NPNT: variants seen among roughly 807,000 people sequenced by gnomAD.
The protein encoded by NPNT is preosteoblast EGF-like repeat protein with MAM domain.
In NPNT, 45 loss-of-function variants were observed where a neutral mutation model predicts 68.6. The observed-to-expected ratio is 0.66, with a 90% confidence interval of 0.52 to 0.84. NPNT has a LOEUF of 0.84. Among genes scored for constraint, NPNT ranks in the 40% least tolerant of loss-of-function variants. The pLI is 0.00. For synonymous variants in NPNT, 233 were observed against 253.3 expected, an observed-to-expected ratio of 0.92 and a Z score of 0.76; for missense variants, 672 against 714.8, an observed-to-expected ratio of 0.94 and a Z score of 0.68.
chr4:105,920,823 A>G (rs1011430171), intron 2 of NPNT, among the ~76,000 whole-genome samples: 1 of 152,152 alleles, frequency 6.6e-6, no homozygotes, highest in African/African-American at 2.4e-5. Flanking sequence ...TTTTAACTCT[A>G]TGTTCTAAAT....
At chr4:105,916,516 C>T (rs1478802614) in intron 2 of NPNT, among the ~76,000 whole-genome samples, 1 of 152,158 alleles carries the variant, frequency 6.6e-6, no homozygotes, top group Non-Finnish European at 1.5e-5. Context: ...GCCACTGTAC[C>T]CAGCCAAGCA....
At chr4:105,911,007 A>G (rs1218419307) in intron 2 of NPNT, among the ~76,000 whole-genome samples, 1 of 152,136 alleles carries the variant, frequency 6.6e-6, no homozygotes, top group Non-Finnish European at 1.5e-5. Flanking sequence ...ATATTAAAGA[A>G]ACGGTATCCT....
chr4:105,919,480 G>T (rs1435418023), intron 2 of NPNT, among the ~76,000 whole-genome samples: 1 of 151,974 alleles, frequency 6.6e-6, no homozygotes, highest in Admixed American at 6.6e-5. Flanking sequence ...CCCAATAATG[G>T]TTTTTATGGA....
In NPNT at chr4:105,942,513, C is replaced by A. The variant is rs1373951532; in HGVS notation, c.970C>A (p.Pro324Thr). ...AACAAGACCTACACCAAAGCCAACA[C>A]CAATTCCTACTCCACCACCACCACC... ...PTTRPTPKPT[P>T]IPTPPPPPPL... The change falls in exon 8 of 12, where the codon CCA becomes ACA. Residue 324 changes from proline (P) to threonine (T), a missense_variant. Coordinates refer to ENST00000379987, the MANE Select transcript of NPNT (RefSeq NM_001033047.3). 6 of 1,613,756 alleles carry A rather than the reference C, an allele frequency of 3.7e-6. No individual in the cohort carries two copies. Among genetic ancestry groups the A allele is most frequent in the Non-Finnish European group, 5.1e-6 (6 of 1,179,960 alleles).
chr4:105,960,905 C>A (rs1389203265), intron 10 of NPNT, among the ~76,000 whole-genome samples: 1 of 152,106 alleles, frequency 6.6e-6, no homozygotes, highest in African/African-American at 2.4e-5. Context: ...TACACTCCTA[C>A]CAACAGTATT....
At chr4:105,925,143 A>G (rs1028289350) in intron 2 of NPNT, among the ~76,000 whole-genome samples, 2 of 152,184 alleles carry the variant, frequency 1.3e-5, no homozygotes, top group Non-Finnish European at 2.9e-5. Context: ...CCTAGTGTAC[A>G]GTTGGCTAAA....
chr4:105,961,388 G>A (rs376883971), intron 10 of NPNT, among the ~76,000 whole-genome samples: 38 of 152,272 alleles, frequency 2.5e-4, no homozygotes, highest in African/African-American at 8.4e-4. Context: ...TGACAGAATG[G>A]TGAATAATAT....
intron 2 of NPNT, among the ~76,000 whole-genome samples, chr4:105,905,531 T>C (rs1726820605): frequency 1.3e-5 from 2 of 152,222 alleles, no homozygotes; most frequent in South Asian, 2.1e-4. Context: ...ATCTTGATTT[T>C]TTTTTCATGT....
At chr4:105,966,418 T>C (rs1732143404) in intron 10 of NPNT, among the ~76,000 whole-genome samples, 2 of 152,210 alleles carry the variant, frequency 1.3e-5, no homozygotes, top group African/African-American at 4.8e-5. Context: ...AAGTGGTCTA[T>C]CTAAAGTGAA....
At chr4:105,946,896 T>G (rs1730432010) in intron 8 of NPNT, among the ~76,000 whole-genome samples, 2 of 152,184 alleles carry the variant, frequency 1.3e-5, no homozygotes, top group Admixed American at 6.5e-5. Context: ...AGAACTGGTC[T>G]GACCTCAAAC....
chr4:105,904,511 T>G (rs2149320620), intron 2 of NPNT, among the ~76,000 whole-genome samples: 1 of 152,246 alleles, frequency 6.6e-6, no homozygotes, highest in South Asian at 2.1e-4. Flanking sequence ...CATCATCTGT[T>G]TCCCATCAGA....
rs66945682 is a variant in NPNT at position 105,898,328 on chromosome 4, GTCTCTCTCTCTC to G, written c.172+368_172+379del. Among the ~76,000 whole-genome samples the G allele has an allele frequency of 7.4e-3, 400 of 53,972 alleles. 1 individual carries two copies. The highest frequency in any genetic ancestry group is 0.043 in the Middle Eastern group (3 of 70). The allele number at this position is 53,972 out of a possible 152,430, so 35.4% of individuals were successfully genotyped here. ...TCTCTCTCTGTCTCTCTCTCTCTCT[GTCTCTCTCTCTC>G]TCTCTCTCTCTCTCTCTCTCTCTCT... is the stretch of plus-strand genomic sequence containing the variant. On this transcript the variant is annotated intron_variant, in intron 2 of 11. Coordinates refer to ENST00000379987, the MANE Select transcript of NPNT (RefSeq NM_001033047.3).
At chr4:105,948,620 A>G (rs4380529) in intron 8 of NPNT, among the ~76,000 whole-genome samples, 21 of 152,036 alleles carry the variant, frequency 1.4e-4, no homozygotes, top group Non-Finnish European at 2.9e-4. Flanking sequence ...GCAACTTTTT[A>G]TGTGTGATGT....
At chr4:105,964,963 A>T (rs369637227) in intron 10 of NPNT, among the ~76,000 whole-genome samples, 6 of 152,198 alleles carry the variant, frequency 3.9e-5, no homozygotes, top group East Asian at 1.9e-4. Flanking sequence ...TTTTTTAAAA[A>T]AAGTTCATAT....
chr4:105,959,207 C>A, intron 10 of NPNT, 81 bp downstream of exon 10: 1 of 830,308 alleles, frequency 1.2e-6, no homozygotes, highest in South Asian at 1.4e-5. Context: ...CTAATCAAGT[C>A]TACTGTAACA....
intron 3 of NPNT, among the ~76,000 whole-genome samples, chr4:105,936,262 A>G (rs1729485145): frequency 6.6e-6 from 1 of 152,230 alleles, no homozygotes; most frequent in Non-Finnish European, 1.5e-5. Context: ...AAATGAAAAT[A>G]TGTTGGTAGG....
chr4:105,896,626 C>A (rs986735033), intron 1 of NPNT, among the ~76,000 whole-genome samples: 1 of 152,204 alleles, frequency 6.6e-6, no homozygotes, highest in Non-Finnish European at 1.5e-5. Context: ...TCTGCCCCCA[C>A]CCCTCCGTGT....
chr4:105,952,708 C>T (rs1309507791), intron 8 of NPNT, among the ~76,000 whole-genome samples: 2 of 152,176 alleles, frequency 1.3e-5, no homozygotes, highest in Non-Finnish European at 2.9e-5. Context: ...ATAAAAACTT[C>T]CATTCTTTCT....
chr4:105,916,688 A>G (rs150632150), intron 2 of NPNT, among the ~76,000 whole-genome samples: 222 of 152,300 alleles, frequency 1.5e-3, no homozygotes, highest in African/African-American at 4.9e-3. Context: ...CATGAAGCAT[A>G]TCTCACATTG....
Sources: gnomAD v4.1 joint callset for allele counts (sites outside exome capture counted in the v4.1 genomes callset) on GRCh38, gnomAD v4.1.1 for gene constraint, MANE v1.5 for transcripts, NCBI Gene and HGNC (gene_info 2026-07-23, HGNC 2026-07-21) for gene names.